The following PLCE1 variants were observed in gnomAD, a reference collection of about 807,000 sequenced individuals.
PLCE1 encodes the protein phospholipase C epsilon 1.
PLCE1 carries 119 observed loss-of-function variants against 242.8 expected under a neutral mutation model. The observed-to-expected ratio is 0.49, with a 90% CI of 0.42 to 0.57. The LOEUF (loss-of-function observed/expected upper bound fraction) is 0.57, where lower values mean the gene tolerates loss of function less well. Among genes scored for constraint, PLCE1 ranks in the 20% least tolerant of loss-of-function variants. The pLI is 0.00. For synonymous variants in PLCE1, 945 were observed against 1,017.4 expected, an observed-to-expected ratio of 0.93 and a Z score of 1.35; for missense variants, 2,441 against 2,788.8, an observed-to-expected ratio of 0.88 and a Z score of 2.81.
chr10:94,072,378 G>A (rs745699532), intron 2 of PLCE1, among the ~76,000 whole-genome samples: 4 of 151,918 alleles, frequency 2.6e-5, no homozygotes, highest in African/African-American at 4.8e-5. Flanking sequence ...CCAGGTTCAC[G>A]CCATTCTCCT....
intron 2 of PLCE1, among the ~76,000 whole-genome samples, chr10:94,067,550 G>C (rs943507846): frequency 6.6e-6 from 1 of 152,182 alleles, no homozygotes; most frequent in Non-Finnish European, 1.5e-5. Flanking sequence ...AATATGAAGA[G>C]AGTTTAATGC....
chr10:94,179,521 T>TGTTTTTTTTG (rs67919831), intron 4 of PLCE1, among the ~76,000 whole-genome samples: 1 of 84,720 alleles, frequency 1.2e-5, no homozygotes, highest in African/African-American at 5.9e-5. Context: ...AGTTTTTTTT[T>TGTTTTTTTTG]TTTTTTTTTG....
chr10:94,259,638 T>A (rs2051225744), intron 13 of PLCE1, among the ~76,000 whole-genome samples: 1 of 152,178 alleles, frequency 6.6e-6, no homozygotes, highest in Non-Finnish European at 1.5e-5. Flanking sequence ...CAGGTGCTAC[T>A]GGCATTTTGA....
intron 8 of PLCE1, among the ~76,000 whole-genome samples, chr10:94,248,488 G>A (rs1248332752): frequency 6.6e-6 from 1 of 152,120 alleles, no homozygotes; most frequent in Non-Finnish European, 1.5e-5. Context: ...TACTCATGAG[G>A]CTGAGGCAGG....
rs1416222347 is a variant in PLCE1, at chr10:94,331,870, T to A, written c.*3927T>A. The A allele has an allele frequency of 5.3e-5, 1 of 18,834 alleles. No individual in the cohort carries two copies. Among genetic ancestry groups the A allele is most frequent in the Non-Finnish European group, 1.3e-4 (1 of 7,932 alleles). The allele number at this position is 18,834 out of a possible 1,614,324, so 1.2% of individuals were successfully genotyped here. ...AGTCTCTATGATTACCAAGTTATTCTTTTTTTTTTTTTTTTTTTTGAGGCA... is the reference window on the plus strand; with the variant it reads ...AGTCTCTATGATTACCAAGTTATTCATTTTTTTTTTTTTTTTTTTGAGGCA... On this transcript the variant is annotated 3_prime_UTR_variant, in exon 33 of 33. Coordinates refer to ENST00000371380, the MANE Select transcript of PLCE1 (RefSeq NM_016341.4).
rs775421313 is a variant in PLCE1, at chr10:94,316,694, T to C, written c.6280T>C (p.Leu2094=). ...IGPEEEIMQI[L]SSWFPEEGYM... ...TCCAGAAGAGGAGATCATGCAAATT[T>C]TAAGCAGCTGGTTTCCAGAAGAGGG... Residue 2094 remains leucine (L), a synonymous_variant, in exon 29 of 33, where the codon TTA becomes CTA. Transcript: ENST00000371380. 1 of 1,614,098 alleles carries C rather than the reference T, an allele frequency of 6.2e-7. No individual in the cohort carries two copies. The highest frequency in any genetic ancestry group is 1.1e-5 in the South Asian group (1 of 91,080).
At chr10:94,116,303 T>G (rs973550988) in intron 2 of PLCE1, among the ~76,000 whole-genome samples, 14 of 152,214 alleles carry the variant, frequency 9.2e-5, no homozygotes, top group African/African-American at 3.4e-4. Context: ...AATATAATAA[T>G]GATGTTTAAC....
chr10:94,125,374 T>G (rs1277789160), intron 2 of PLCE1, among the ~76,000 whole-genome samples: 1 of 152,156 alleles, frequency 6.6e-6, no homozygotes, highest in African/African-American at 2.4e-5. Context: ...TGTTAAGTCC[T>G]AGCTGTGTGC....
chr10:94,283,556 TG>T (rs2052327211), intron 20 of PLCE1: 1 of 397,774 alleles, frequency 2.5e-6, no homozygotes, highest in Non-Finnish European at 4.8e-6. Context: ...ATTTAAATTA[TG>T]TATATAAGTG....
intron 1 of PLCE1, among the ~76,000 whole-genome samples, chr10:94,020,428 A>AT (rs1263955539): frequency 6.6e-6 from 1 of 152,050 alleles, no homozygotes; most frequent in Non-Finnish European, 1.5e-5. Context: ...TATTAAAAAT[A>AT]TTTTTTATCA....
intron 3 of PLCE1, among the ~76,000 whole-genome samples, chr10:94,134,585 G>T (rs1005544276): frequency 6.6e-6 from 1 of 152,168 alleles, no homozygotes; most frequent in Non-Finnish European, 1.5e-5. Flanking sequence ...CATGACAAAT[G>T]TATACAGTTT....
At chr10:94,260,719 G>A (rs548671910) in intron 13 of PLCE1, among the ~76,000 whole-genome samples, 1 of 151,626 alleles carries the variant, frequency 6.6e-6, no homozygotes, top group East Asian at 1.9e-4. Context: ...TGTAGAGACA[G>A]GGTCTTGCTC....
chr10:94,254,847 A>G, intron 10 of PLCE1, 46 bp from the exon 11 acceptor site: 1 of 1,603,414 alleles, frequency 6.2e-7, no homozygotes, highest in South Asian at 1.1e-5. Context: ...TCTGAGGGAA[A>G]GTATAATCTG....
chr10:94,251,105 C>T (rs2050858810), intron 8 of PLCE1, among the ~76,000 whole-genome samples: 1 of 152,150 alleles, frequency 6.6e-6, no homozygotes, highest in Non-Finnish European at 1.5e-5. Flanking sequence ...TTGACACACC[C>T]ATCGAGACTA....
chr10:94,141,659 A>T lies in PLCE1; in HGVS notation c.1492+9200A>T, dbSNP rs2046973922. Among the ~76,000 whole-genome samples, 9 of 3,988 alleles carry T rather than the reference A, an allele frequency of 2.3e-3. 2 individuals are homozygous for T. The Admixed American group carries it at 0.047, about 21-fold the overall frequency. 2.6% of individuals were successfully genotyped at this position (3,988 alleles called of 152,430 possible). On this transcript the variant is annotated intron_variant, in intron 3 of 32. Coordinates refer to ENST00000371380, the MANE Select transcript of PLCE1 (RefSeq NM_016341.4). ...AAAGAAAGAAGGAAGGAAAGAAGAA[A>T]GGGAGGGAGGGAGGAAAGAAAGAAG...
chr10:94,316,601 G>C lies in PLCE1; in HGVS notation c.6187G>C (p.Glu2063Gln). Residue 2063 changes from glutamate to glutamine, a missense_variant, in exon 29 of 33, where the codon GAA becomes CAA. Coordinates refer to ENST00000371380, the MANE Select transcript of PLCE1 (RefSeq NM_016341.4). ...TGTTACCACAGACTATTTTTTGATG[G>C]AAGAAAAATATTTTATATCTAAAGA... ...KPVTTDYFLM[E>Q]EKYFISKEKN... 1 of 1,608,380 alleles carries C rather than the reference G, an allele frequency of 6.2e-7. No individual in the cohort carries two copies. The highest frequency in any genetic ancestry group is 8.5e-7 in the Non-Finnish European group (1 of 1,175,642).
At chr10:94,181,390 G>A (rs535354271) in intron 4 of PLCE1, among the ~76,000 whole-genome samples, 1 of 152,060 alleles carries the variant, frequency 6.6e-6, no homozygotes, top group African/African-American at 2.4e-5. Flanking sequence ...GGCCAAAATG[G>A]TGAAACCCCG....
intron 32 of PLCE1, among the ~76,000 whole-genome samples, chr10:94,326,920 G>T (rs2054038752): frequency 6.6e-6 from 1 of 152,118 alleles, no homozygotes; most frequent in African/African-American, 2.4e-5. Flanking sequence ...CAGCACTTTG[G>T]GAGGCCAAGG....
intron 7 of PLCE1, among the ~76,000 whole-genome samples, chr10:94,239,830 G>A (rs140478346): frequency 2.6e-5 from 4 of 152,288 alleles, no homozygotes; most frequent in East Asian, 1.9e-4. Flanking sequence ...ACACACGTAC[G>A]CATGTGGATG....
Sources: gnomAD v4.1 joint callset for allele counts (sites outside exome capture counted in the v4.1 genomes callset) on GRCh38, gnomAD v4.1.1 for gene constraint, MANE v1.5 for transcripts, NCBI Gene and HGNC (gene_info 2026-07-23, HGNC 2026-07-21) for gene names.